The following CCDC88A variants were observed in gnomAD, a reference collection of about 807,000 sequenced individuals.
CCDC88A encodes coiled-coil and HOOK domain protein 88A.
CCDC88A carries 54 observed loss-of-function variants against 234.3 expected under a neutral mutation model. That is an observed-to-expected ratio of 0.23 (90% CI 0.19 to 0.29). The LOEUF (loss-of-function observed/expected upper bound fraction) is 0.29, where lower values mean the gene tolerates loss of function less well. CCDC88A is among the 10% of genes least tolerant of loss of function. CCDC88A has a pLI of 1.00. For missense variants in CCDC88A, 1,832 were observed against 2,123.4 expected (o/e 0.86, Z 2.70); for synonymous variants, 753 against 737.8 (o/e 1.02, Z -0.33).
intron 7 of CCDC88A, among the ~76,000 whole-genome samples, chr2:55,360,817 G>A (rs1430267938): frequency 1.3e-5 from 2 of 152,202 alleles, no homozygotes; most frequent in Non-Finnish European, 2.9e-5. Flanking sequence ...GTTGGGTGCA[G>A]TGGCTCACAC....
intron 7 of CCDC88A, among the ~76,000 whole-genome samples, chr2:55,360,983 G>A (rs747896428): frequency 3.3e-5 from 5 of 152,144 alleles, no homozygotes; most frequent in Admixed American, 6.5e-5. Flanking sequence ...CAGCTACTTG[G>A]GAGGCTGAGG....
chr2:55,374,536 A>G (rs1482440634), intron 4 of CCDC88A, among the ~76,000 whole-genome samples: 1 of 152,194 alleles, frequency 6.6e-6, no homozygotes. Context: ...ATCATCTTCT[A>G]TACTTCTCTA....
At chr2:55,373,964 A>G (rs2104827289) in intron 4 of CCDC88A, among the ~76,000 whole-genome samples, 1 of 152,348 alleles carries the variant, frequency 6.6e-6, no homozygotes, top group Admixed American at 6.5e-5. Context: ...AAAAATTACA[A>G]TTCTAAAATA....
chr2:55,390,147 C>G (rs1676411823), intron 2 of CCDC88A, among the ~76,000 whole-genome samples: 1 of 150,562 alleles, frequency 6.6e-6, no homozygotes, highest in Non-Finnish European at 1.5e-5. Flanking sequence ...CAAACAAAAA[C>G]AACTTAGAAA....
chr2:55,366,991 A>ATGG (rs1256871171), intron 5 of CCDC88A, among the ~76,000 whole-genome samples: 1 of 152,336 alleles, frequency 6.6e-6, no homozygotes, highest in East Asian at 1.9e-4. Context: ...GGGCCAAAAA[A>ATGG]TGGAGGCAAC....
intron 4 of CCDC88A, among the ~76,000 whole-genome samples, chr2:55,372,866 A>T (rs1197782622): frequency 6.6e-6 from 1 of 152,250 alleles, no homozygotes; most frequent in Non-Finnish European, 1.5e-5. Context: ...CCACAAAGGT[A>T]GCCAAAATGG....
chr2:55,295,897 G>T lies in CCDC88A; in HGVS notation c.5251C>A (p.Pro1751Thr), dbSNP rs142206578. ...CGAGGACCAGGTCTCAAAAACTCAG[G>T]CTTAGTTGTCCGTCTATCATAGAAG... ...GDFYDRRTTK[P>T]EFLRPGPRKT... Residue 1751 changes from proline to threonine, a missense_variant, in exon 31 of 33, where the codon CCT becomes ACT. Around this residue, in one of 6 missense-constraint regions of CCDC88A, gnomAD observed 422 missense variants for 416.5 expected, o/e 1.01. Coordinates refer to ENST00000436346, the MANE Select transcript of CCDC88A (RefSeq NM_001365480.1). 3 of 1,613,922 alleles carry T rather than the reference G, an allele frequency of 1.9e-6. No individual in the cohort carries two copies. The African/African-American group carries it at 4.0e-5, about 22-fold the overall frequency.
At chr2:55,379,545 T>A (rs1246695969) in intron 3 of CCDC88A, among the ~76,000 whole-genome samples, 2 of 152,170 alleles carry the variant, frequency 1.3e-5, no homozygotes, top group Non-Finnish European at 2.9e-5. Flanking sequence ...TAAACAGAAA[T>A]CCTTGTTCTC....
intron 13 of CCDC88A, chr2:55,337,761 G>A (rs1301631170): frequency 6.6e-6 from 1 of 152,102 alleles, no homozygotes; most frequent in Non-Finnish European, 1.5e-5. Flanking sequence ...GACTGCTTAA[G>A]CCTGAGAAGC....
chr2:55,373,187 C>A (rs192258642), intron 4 of CCDC88A, among the ~76,000 whole-genome samples: 2 of 152,308 alleles, frequency 1.3e-5, no homozygotes, highest in African/African-American at 4.8e-5. Context: ...CTGGGCCAAT[C>A]TGTCTATGAA....
intron 8 of CCDC88A, chr2:55,350,109 G>A (rs1173094130): frequency 6.6e-5 from 10 of 152,368 alleles, no homozygotes; most frequent in African/African-American, 2.4e-4. Context: ...AGTAGAGACG[G>A]GGTTTCACCA....
rs1005170805 is a variant in CCDC88A, at chr2:55,309,759, G to A, written c.4080-505C>T. Among the ~76,000 whole-genome samples, 2 of 152,014 alleles carry A rather than the reference G, an allele frequency of 1.3e-5. No individual in the cohort carries two copies. Among genetic ancestry groups the A allele is most frequent in the African/African-American group, 4.8e-5 (2 of 41,394 alleles). ...TCTAAGAAAACCCCACAATGCCAAAGAATACTATTTACTTCAGAAACATTA... is the reference window on the plus strand; with the variant it reads ...TCTAAGAAAACCCCACAATGCCAAAAAATACTATTTACTTCAGAAACATTA... On this transcript the variant is annotated intron_variant, in intron 23 of 32. Coordinates refer to ENST00000436346, the MANE Select transcript of CCDC88A (RefSeq NM_001365480.1). This position sits in a 1 kb window ranked among gnomAD's most constrained non-coding sequence, Gnocchi z 5.1.
intron 2 of CCDC88A, among the ~76,000 whole-genome samples, chr2:55,411,790 A>AC (rs10648822): frequency 0.026 from 3,411 of 133,438 alleles, 157 homozygotes; most frequent in South Asian, 0.068. Context: ...AAAAAAAAAA[A>AC]AAAAAAAAAA....
intron 7 of CCDC88A, 113 bp from the exon 8 acceptor site, chr2:55,355,864 G>T: frequency 1.4e-6 from 1 of 720,650 alleles, no homozygotes; most frequent in Non-Finnish European, 2.2e-6. Context: ...CAATTCACTG[G>T]TCAAAAACAT....
intron 2 of CCDC88A, among the ~76,000 whole-genome samples, chr2:55,392,536 T>G (rs538595135): frequency 1.3e-5 from 2 of 152,342 alleles, no homozygotes; most frequent in African/African-American, 4.8e-5. Context: ...GAAGGCCTTT[T>G]ATTAGATTTA....
chr2:55,367,373 C>G (rs1046435841), intron 5 of CCDC88A, among the ~76,000 whole-genome samples: 13 of 151,926 alleles, frequency 8.6e-5, no homozygotes, highest in African/African-American at 3.1e-4. Context: ...TACCACTGAA[C>G]TATATACTTA....
Position 55,418,878 on chromosome 2 carries a change from G to A in CCDC88A, c.102C>T (p.Thr34=). The A allele has an allele frequency of 6.2e-7, 1 of 1,614,116 alleles. No individual in the cohort carries two copies. The highest frequency in any genetic ancestry group is 2.2e-5 in the East Asian group (1 of 44,874). The change falls in exon 2 of 33, where the codon ACC becomes ACT. Residue 34 remains threonine (T), a synonymous_variant. Transcript: ENST00000436346. The part of the protein sequence containing the change: ...TFGPLAAGNG[T]NLDEYVALVD... Reference sequence around the variant, plus strand: ...CCAAAGCCACATATTCATCAAGGTTGGTCCCATTTCCTGCGGCCAGAGGTC... The same window carrying A: ...CCAAAGCCACATATTCATCAAGGTTAGTCCCATTTCCTGCGGCCAGAGGTC...
rs1680962762 is a variant in CCDC88A at position 55,302,090 on chromosome 2, G to T, written c.4472-18C>A. 13 of 1,589,264 alleles carry T rather than the reference G, an allele frequency of 8.2e-6. No homozygotes were observed. Among genetic ancestry groups the T allele is most frequent in the Non-Finnish European group, 1.1e-5 (13 of 1,157,640 alleles). ...ATTCATGGCTGGGATGCAAATGAAA[G>T]CAAATGAATCAGCATGGTTAATGTA... On this transcript the variant is annotated intron_variant, in intron 26 of 32. Coordinates refer to ENST00000436346, the MANE Select transcript of CCDC88A (RefSeq NM_001365480.1).
At chr2:55,326,055 C>G (rs1684220968) in intron 17 of CCDC88A, among the ~76,000 whole-genome samples, 2 of 152,122 alleles carry the variant, frequency 1.3e-5, no homozygotes, top group African/African-American at 4.8e-5. Context: ...TGTCTTTTAA[C>G]TGGGGTGTTT....
Sources: allele counts gnomAD v4.1 joint callset (sites outside exome capture counted in the v4.1 genomes callset), GRCh38; gene constraint gnomAD v4.1.1; regional missense constraint gnomAD v4.1.1; non-coding constraint Gnocchi (gnomAD v3.1); transcripts MANE v1.5; gene names NCBI Gene and HGNC (gene_info 2026-07-23, HGNC 2026-07-21).